The following ATP2C2 variants were observed in gnomAD, a reference collection of about 807,000 sequenced individuals.
The protein encoded by ATP2C2 is ATPase secretory pathway Ca2+ transporting 2, also known as calcium-transporting ATPase type 2C member 2.
Under a neutral mutation model 110.8 loss-of-function variants are expected in ATP2C2, and 171 were observed. That is an observed-to-expected ratio of 1.54 (90% CI 1.36 to 1.75). The LOEUF (loss-of-function observed/expected upper bound fraction) is 1.75. Ranked by LOEUF, ATP2C2 falls within the 40% of genes most tolerant of loss-of-function variation. The probability of loss-of-function intolerance (pLI) is 0.00; values close to 1 mark genes in which losing one functional copy is unlikely to be tolerated. For missense variants in ATP2C2, 1,963 were observed against 1,235.0 expected, an observed-to-expected ratio of 1.59 and a Z score of -8.84; for synonymous variants, 804 against 508.4, an observed-to-expected ratio of 1.58 and a Z score of -7.82.
chr16:84,380,868 AATTAT>A (rs1265142041), intron 1 of ATP2C2, among the ~76,000 whole-genome samples: 1 of 152,200 alleles, frequency 6.6e-6, no homozygotes, highest in Non-Finnish European at 1.5e-5. Flanking sequence ...ATAATTATTT[AATTAT>A]AAGTAATTAT....
chr16:84,411,757 T>C (rs938354991), intron 6 of ATP2C2, among the ~76,000 whole-genome samples: 1 of 152,174 alleles, frequency 6.6e-6, no homozygotes, highest in Non-Finnish European at 1.5e-5. Flanking sequence ...ACTAAATTCT[T>C]AATGTTATTT....
chr16:84,418,621 G>T (rs143760968), intron 7 of ATP2C2, among the ~76,000 whole-genome samples: 181 of 152,340 alleles, frequency 1.2e-3, no homozygotes, highest in African/African-American at 4.1e-3. Flanking sequence ...GCAGCCCGCA[G>T]AGGTTGCGTG....
intron 1 of ATP2C2, among the ~76,000 whole-genome samples, chr16:84,384,539 T>A (rs1386591179): frequency 6.6e-6 from 1 of 152,234 alleles, no homozygotes. Flanking sequence ...CTGCCAGGTT[T>A]CCCTTAATTA....
intron 20 of ATP2C2, among the ~76,000 whole-genome samples, chr16:84,454,001 C>T (rs550929930): frequency 3.9e-5 from 6 of 152,044 alleles, no homozygotes; most frequent in South Asian, 2.1e-4. Flanking sequence ...CCAGCACACC[C>T]GGCTAATGTT....
chr16:84,453,928 C>T (rs1167955498), intron 20 of ATP2C2, among the ~76,000 whole-genome samples: 1 of 152,096 alleles, frequency 6.6e-6, no homozygotes, highest in African/African-American at 2.4e-5. Flanking sequence ...TCAACCTCTG[C>T]CTCCCAGGGT....
chr16:84,452,999 C>A, intron 18 of ATP2C2, 139 bp from the exon 19 acceptor site: 2 of 800,484 alleles, frequency 2.5e-6, no homozygotes, highest in Non-Finnish European at 2.0e-6. Flanking sequence ...GAACCGAGGC[C>A]GTGCAGCATG....
intron 15 of ATP2C2, among the ~76,000 whole-genome samples, chr16:84,444,258 A>C (rs1909544823): frequency 6.6e-6 from 1 of 150,554 alleles, no homozygotes; most frequent in Non-Finnish European, 1.5e-5. Flanking sequence ...GGATCACCTG[A>C]GGTCAGGAGT....
At chr16:84,391,178 G>C (rs1405274767) in intron 1 of ATP2C2, among the ~76,000 whole-genome samples, 1 of 151,304 alleles carries the variant, frequency 6.6e-6, no homozygotes, top group African/African-American at 2.4e-5. Flanking sequence ...AATCACCTGT[G>C]ATGGAGAGGG....
chr16:84,448,405 C>T, intron 16 of ATP2C2, 128 bp from the exon 17 acceptor site: 1 of 1,187,498 alleles, frequency 8.4e-7, no homozygotes, highest in Non-Finnish European at 1.2e-6. Flanking sequence ...CAGCACCAGC[C>T]TATGATAAAT....
At chr16:84,422,744 AG>A (rs1567713355) in intron 9 of ATP2C2, 47 bp downstream of exon 9, 1 of 1,552,024 alleles carries the variant, frequency 6.4e-7, no homozygotes, top group Admixed American at 1.9e-5. Flanking sequence ...CTGGAGTTTG[AG>A]ATTATTATAG....
intron 2 of ATP2C2, among the ~76,000 whole-genome samples, chr16:84,404,230 C>T (rs1447894847): frequency 6.6e-6 from 1 of 152,266 alleles, no homozygotes; most frequent in Non-Finnish European, 1.5e-5. Flanking sequence ...AGGGTGGGAC[C>T]CTCTCATGGG....
intron 7 of ATP2C2, among the ~76,000 whole-genome samples, chr16:84,416,318 T>G (rs571837618): frequency 3.3e-5 from 5 of 152,296 alleles, no homozygotes; most frequent in African/African-American, 1.2e-4. Flanking sequence ...TCACCATGAT[T>G]TGTTGATGGG....
chr16:84,438,938 C>T (rs1014154898), intron 11 of ATP2C2: 1 of 503,500 alleles, frequency 2.0e-6, no homozygotes, highest in East Asian at 3.4e-5. Flanking sequence ...GTGTGGATGA[C>T]TGACAGGAGA....
rs755126643 is a variant in ATP2C2, at chr16:84,461,781, A to T, written c.2549A>T (p.Asp850Val). The change falls in exon 25 of 27, where the codon GAT becomes GTT. Residue 850 changes from aspartate to valine, a missense_variant. Physicochemically the swap from Asp to Val is radical, Grantham distance 152. Transcript: ENST00000262429. ...TMTFTCFVFF[D>V]LFNALTCRSQ... ...ACGTTCACTTGTTTTGTGTTTTTCG[A>T]TCTCTTCAACGCCTTGACCTGCCGC... The T allele has an allele frequency of 6.2e-7, 1 of 1,613,932 alleles. No individual in the cohort carries two copies. Among genetic ancestry groups the T allele is most frequent in the African/African-American group, 1.3e-5 (1 of 74,892 alleles).
intron 23 of ATP2C2, chr16:84,460,346 T>G (rs1398335887): frequency 5.3e-6 from 2 of 380,024 alleles, no homozygotes; most frequent in African/African-American, 2.5e-5. Context: ...AGGCGCAACG[T>G]TGGGGGGGGT....
chr16:84,413,702 A>G (rs1906588761), intron 6 of ATP2C2, among the ~76,000 whole-genome samples: 1 of 152,170 alleles, frequency 6.6e-6, no homozygotes, highest in African/African-American at 2.4e-5. Flanking sequence ...CGGGCAGCCC[A>G]GTAGAGTTGA....
At chr16:84,431,445 G>A (rs1248267695) in intron 11 of ATP2C2, among the ~76,000 whole-genome samples, 3 of 151,998 alleles carry the variant, frequency 2.0e-5, no homozygotes, top group East Asian at 1.9e-4. Context: ...GCAGTGAGCC[G>A]ACATCTCACC....
chr16:84,404,809 C>CTTT (rs35653774), intron 2 of ATP2C2: 122 of 274,970 alleles, frequency 4.4e-4, no homozygotes, highest in South Asian at 9.0e-4. Flanking sequence ...TTCCCAAGAC[C>CTTT]TTTTTTTTTT....
intron 11 of ATP2C2, among the ~76,000 whole-genome samples, chr16:84,435,705 A>G (rs2914819): frequency 0.8 from 120,614 of 151,496 alleles, 48,078 homozygotes; most frequent in East Asian, 0.87. Flanking sequence ...GTGCATGCCT[A>G]TGTCCCGGCT....
Sources: allele counts gnomAD v4.1 joint callset (sites outside exome capture counted in the v4.1 genomes callset), GRCh38; gene constraint gnomAD v4.1.1; transcripts MANE v1.5; gene names NCBI Gene and HGNC (gene_info 2026-07-23, HGNC 2026-07-21).